The following PCDHA7 variants were observed in gnomAD, a reference collection of about 807,000 sequenced individuals.
PCDHA7 encodes protocadherin alpha-7.
PCDHA7 carries 37 observed loss-of-function variants against 57.2 expected under a neutral mutation model. That is an observed-to-expected ratio of 0.65 (90% CI 0.50 to 0.85). The LOEUF is 0.85. PCDHA7 is among the 40% of genes least tolerant of loss of function. The pLI, the probability that PCDHA7 is intolerant of heterozygous loss-of-function variation, is 0.00. For missense variants in PCDHA7, 1,188 were observed against 1,241.8 expected (o/e 0.96, Z 0.65); for synonymous variants, 553 against 558.8 (o/e 0.99, Z 0.15).
rs1554263795 is a variant in PCDHA7 at position 141,012,061 on chromosome 5, C to T, written c.*2124C>T. 1 of 153,730 alleles carries T rather than the reference C, an allele frequency of 6.5e-6. No homozygotes were observed. The highest frequency in any genetic ancestry group is 1.9e-4 in the East Asian group (1 of 5,194). The allele number at this position is 153,730 out of a possible 1,614,324, so 9.5% of individuals were successfully genotyped here. A position where few individuals can be genotyped will look rare whatever the true frequency, so the allele number is the denominator to read the frequency against. The stretch of plus-strand genomic sequence containing the variant: ...CATGGGGTAAAACTTGTTACCAACA[C>T]ATGTGAACCATTGCTACATTGTAGG... On this transcript the variant is annotated 3_prime_UTR_variant, in exon 4 of 4. Coordinates refer to ENST00000525929, the MANE Select transcript of PCDHA7 (RefSeq NM_018910.3).
chr5:140,881,446 TC>T, intron 1 of PCDHA7: 1 of 787,056 alleles, frequency 1.3e-6, no homozygotes, highest in Non-Finnish European at 1.5e-6. Flanking sequence ...AAAAACAGAA[TC>T]CAAAACCTTA....
At chr5:140,875,536 G>A (rs2055577552) in intron 1 of PCDHA7, 2 of 1,614,130 alleles carry the variant, frequency 1.2e-6, no homozygotes, top group Non-Finnish European at 1.7e-6. Flanking sequence ...TCTGCTCCTT[G>A]CAGCCTGGGA....
At chr5:140,999,526 C>A (rs1429753507) in intron 3 of PCDHA7, among the ~76,000 whole-genome samples, 2 of 152,026 alleles carry the variant, frequency 1.3e-5, no homozygotes, top group Non-Finnish European at 2.9e-5. Context: ...TTTGTTACCC[C>A]CTGGATATGA....
Position 140,876,759 on chromosome 5 carries a change from T to C in PCDHA7, c.2355+40021T>C, listed in dbSNP as rs782783090. The C allele has an allele frequency of 1.2e-5, 19 of 1,614,028 alleles. No homozygotes were observed. In the Admixed American group the frequency reaches 2.8e-4, roughly 24 times the overall value. Reference sequence around the variant, plus strand: ...ATGAGCTGGTGGTGACTGCGCGGGATGGGGGCTCGCCTTCGCTGTGGGCCA... The same window carrying C: ...ATGAGCTGGTGGTGACTGCGCGGGACGGGGGCTCGCCTTCGCTGTGGGCCA... On this transcript the variant is annotated intron_variant, in intron 1 of 3. Transcript: ENST00000525929.
At chr5:140,969,485 T>C (rs1485555970) in intron 1 of PCDHA7, 4 of 1,461,452 alleles carry the variant, frequency 2.7e-6, no homozygotes, top group African/African-American at 2.9e-5. Flanking sequence ...CATAATCTGC[T>C]ATTTCCTCTC....
intron 3 of PCDHA7, among the ~76,000 whole-genome samples, chr5:140,997,668 T>G (rs2097778117): frequency 6.7e-6 from 1 of 148,344 alleles, no homozygotes; most frequent in African/African-American, 2.5e-5. Flanking sequence ...ATTATACAGC[T>G]TGTGTGTGTG....
intron 1 of PCDHA7, among the ~76,000 whole-genome samples, chr5:140,908,266 C>T (rs1281456045): frequency 1.3e-5 from 2 of 152,144 alleles, no homozygotes; most frequent in African/African-American, 4.8e-5. Context: ...AGGGAACTCC[C>T]CATGAGGCCA....
At chr5:140,857,046 G>T in intron 1 of PCDHA7, 1 of 1,595,844 alleles carries the variant, frequency 6.3e-7, no homozygotes, top group Non-Finnish European at 8.6e-7. Flanking sequence ...GTTGGTCACT[G>T]CACGGTCCTA....
intron 1 of PCDHA7, among the ~76,000 whole-genome samples, chr5:140,838,347 A>G (rs2150288220): frequency 2.7e-5 from 4 of 150,406 alleles, no homozygotes; most frequent in Non-Finnish European, 4.4e-5. Context: ...TGGTCTCGAA[A>G]TCTGGGACTC....
At chr5:140,840,556 G>A (rs1378989097) in intron 1 of PCDHA7, among the ~76,000 whole-genome samples, 4 of 152,028 alleles carry the variant, frequency 2.6e-5, no homozygotes, top group Non-Finnish European at 5.9e-5. Flanking sequence ...TGGCAATACT[G>A]CTAGAGTTTG....
chr5:140,877,372 A>T, intron 1 of PCDHA7: 6 of 1,613,992 alleles, frequency 3.7e-6, no homozygotes, highest in Non-Finnish European at 5.1e-6. Flanking sequence ...GATCAGCACG[A>T]CACGCATCCT....
chr5:140,860,681 T>G (rs2046516125), intron 1 of PCDHA7: 1 of 152,216 alleles, frequency 6.6e-6, no homozygotes, highest in Non-Finnish European at 1.5e-5. Context: ...TGCACTTATG[T>G]TTTGAGCGAC....
chr5:140,876,783 C>G (rs1554168916), intron 1 of PCDHA7: 2 of 1,614,196 alleles, frequency 1.2e-6, no homozygotes, highest in Admixed American at 1.7e-5. Flanking sequence ...CGCTGTGGGC[C>G]ACGGCTAGAG....
At chr5:140,985,532 G>T (rs1358120172) in intron 3 of PCDHA7, among the ~76,000 whole-genome samples, 1 of 152,072 alleles carries the variant, frequency 6.6e-6, no homozygotes, top group Non-Finnish European at 1.5e-5. Context: ...AAAGCTTCAC[G>T]GTGAAGATGC....
At chr5:140,930,832 T>A (rs1375434055) in intron 1 of PCDHA7, among the ~76,000 whole-genome samples, 1 of 152,226 alleles carries the variant, frequency 6.6e-6, no homozygotes, top group East Asian at 1.9e-4. Flanking sequence ...GCTGACTGAA[T>A]GAATAAATAT....
chr5:140,858,147 T>C, intron 1 of PCDHA7: 1 of 1,597,630 alleles, frequency 6.3e-7, no homozygotes, highest in Non-Finnish European at 8.6e-7. Flanking sequence ...TACCTGATCA[T>C]CGCCATCTGC....
intron 1 of PCDHA7, chr5:140,860,153 GTATATATATATGTA>G (rs1410832204): frequency 1.4e-5 from 2 of 147,972 alleles, no homozygotes; most frequent in Admixed American, 1.4e-4. Flanking sequence ...GTATATATGT[GTATATATATATGTA>G]TATATATATG....
chr5:140,870,388 G>T, intron 1 of PCDHA7: 1 of 1,614,232 alleles, frequency 6.2e-7, no homozygotes. Context: ...TGCGCGGGAT[G>T]GGGGTTCGCC....
intron 1 of PCDHA7, among the ~76,000 whole-genome samples, chr5:140,913,986 G>A (rs1326699020): frequency 1.3e-5 from 2 of 152,048 alleles, no homozygotes; most frequent in African/African-American, 4.8e-5. Context: ...GACTTGTATT[G>A]TGACTAGCAT....
Sources: gnomAD v4.1 joint callset for allele counts (sites outside exome capture counted in the v4.1 genomes callset) on GRCh38, gnomAD v4.1.1 for gene constraint, MANE v1.5 for transcripts, NCBI Gene and HGNC (gene_info 2026-07-23, HGNC 2026-07-21) for gene names.